SLMAP: variants seen among roughly 807,000 people sequenced by gnomAD.
SLMAP encodes sarcolemmal membrane-associated protein.
A neutral mutation model predicts 128.8 loss-of-function variants in SLMAP; 44 were observed. The ratio of observed to expected loss-of-function variants is 0.34; its 90% CI spans 0.27 to 0.44. The LOEUF is 0.44. SLMAP is among the 20% of genes least tolerant of loss of function. The pLI, the probability that SLMAP is intolerant of heterozygous loss-of-function variation, is 1.00. For missense variants in SLMAP, 787 were observed against 985.3 expected, an observed-to-expected ratio of 0.80 and a Z score of 2.69; for synonymous variants, 327 against 348.8, an observed-to-expected ratio of 0.94 and a Z score of 0.70.
intron 2 of SLMAP, chr3:57,800,840 C>T (rs527466064): frequency 3.2e-4 from 54 of 167,832 alleles, no homozygotes; most frequent in Non-Finnish European, 5.2e-4. Flanking sequence ...ATATTGTAGG[C>T]CTCAAATATA....
At chr3:57,890,313 A>G (rs2096027373) in intron 15 of SLMAP, 6 of 443,508 alleles carry the variant, frequency 1.4e-5, no homozygotes, top group Middle Eastern at 6.0e-4. Flanking sequence ...AAGTGGATGT[A>G]TATTTATGGT....
chr3:57,766,025 G>C (rs533398492), intron 2 of SLMAP, among the ~76,000 whole-genome samples: 11 of 146,332 alleles, frequency 7.5e-5, no homozygotes, highest in Non-Finnish European at 1.0e-4. Flanking sequence ...TTGAGACGGA[G>C]TCTTGCTCTG....
intron 2 of SLMAP, among the ~76,000 whole-genome samples, chr3:57,764,458 C>T (rs967158197): frequency 6.7e-6 from 1 of 148,492 alleles, no homozygotes; most frequent in African/African-American, 2.5e-5. Context: ...GCAGAGATCC[C>T]ATCTTTGCAC....
chr3:57,916,479 T>C (rs2096814885), intron 21 of SLMAP, among the ~76,000 whole-genome samples: 1 of 152,214 alleles, frequency 6.6e-6, no homozygotes, highest in African/African-American at 2.4e-5. Flanking sequence ...GGTTTATCTT[T>C]ACTTGAATTG....
At chr3:57,875,763 T>A (rs1208558271) in intron 14 of SLMAP, among the ~76,000 whole-genome samples, 1 of 152,130 alleles carries the variant, frequency 6.6e-6, no homozygotes, top group East Asian at 1.9e-4. Context: ...GTAACCAGAG[T>A]TGGGAAAGTG....
chr3:57,769,268 C>G (rs1233830493), intron 2 of SLMAP, among the ~76,000 whole-genome samples: 4 of 152,042 alleles, frequency 2.6e-5, no homozygotes, highest in African/African-American at 9.7e-5. Context: ...TCTTGGCTCA[C>G]TGCAAGCTCT....
chr3:57,888,607 C>T (rs2095972701), intron 14 of SLMAP, among the ~76,000 whole-genome samples: 2 of 149,474 alleles, frequency 1.3e-5, no homozygotes, highest in South Asian at 4.2e-4. Context: ...CAGAGTGAGA[C>T]TGTCTCAAAA....
At chr3:57,921,479 T>G (rs549562255) in intron 22 of SLMAP, among the ~76,000 whole-genome samples, 1 of 151,854 alleles carries the variant, frequency 6.6e-6, no homozygotes, top group South Asian at 2.1e-4. Context: ...GTACAAAACA[T>G]ACCAGATGTG....
chr3:57,782,788 T>C (rs1432997920), intron 2 of SLMAP, among the ~76,000 whole-genome samples: 2 of 152,156 alleles, frequency 1.3e-5, no homozygotes, highest in African/African-American at 4.8e-5. Flanking sequence ...TGGATTTTTG[T>C]CATTATCTTA....
chr3:57,892,404 G>T (rs750369917), intron 15 of SLMAP, among the ~76,000 whole-genome samples: 1 of 152,100 alleles, frequency 6.6e-6, no homozygotes, highest in Admixed American at 6.6e-5. Context: ...GTCATTACAT[G>T]TCTATATATA....
At chr3:57,890,155 A>G in intron 15 of SLMAP, 55 bp downstream of exon 15, 1 of 1,550,608 alleles carries the variant, frequency 6.4e-7, no homozygotes, top group South Asian at 1.1e-5. Flanking sequence ...AATGAAGGTT[A>G]GTGTATATTT....
At chr3:57,800,998 T>A in intron 2 of SLMAP, 1 of 277,084 alleles carries the variant, frequency 3.6e-6, no homozygotes, top group South Asian at 4.6e-5. Flanking sequence ...TAGCACAACC[T>A]CCTCTTTGTC....
chr3:57,897,249 A>C (rs1475379318), intron 17 of SLMAP: 1 of 525,462 alleles, frequency 1.9e-6, no homozygotes, highest in Non-Finnish European at 2.9e-6. Context: ...AATTAGAATA[A>C]GGTGAAAATC....
At chr3:57,904,923 T>C (rs2096489065) in intron 17 of SLMAP, among the ~76,000 whole-genome samples, 1 of 152,102 alleles carries the variant, frequency 6.6e-6, no homozygotes, top group Non-Finnish European at 1.5e-5. Flanking sequence ...AAAATTTTGC[T>C]GGGCATGGTG....
intron 2 of SLMAP, among the ~76,000 whole-genome samples, chr3:57,804,939 A>G (rs956987144): frequency 3.3e-4 from 50 of 152,176 alleles, no homozygotes; most frequent in African/African-American, 1.2e-3. Flanking sequence ...GAGATGTCCC[A>G]GTAGGTTCTG....
intron 2 of SLMAP, among the ~76,000 whole-genome samples, chr3:57,826,095 ATTAT>A (rs1243188453): frequency 6.6e-6 from 1 of 152,048 alleles, no homozygotes; most frequent in African/African-American, 2.4e-5. Flanking sequence ...ACTCTAAGGC[ATTAT>A]TTGTTATATT....
rs529270496 is a variant in SLMAP at position 57,890,125 on chromosome 3, T to A, written c.1360+25T>A. 36 of 1,610,534 alleles carry A rather than the reference T, an allele frequency of 2.2e-5. No homozygotes were observed. In the South Asian group the frequency reaches 4.0e-4, roughly 18 times the overall value. On this transcript the variant is annotated intron_variant, in intron 15 of 24. Transcript: ENST00000671191. The stretch of plus-strand genomic sequence containing the variant: ...GGTTTGTTTTCTGTTTTTCTATGTT[T>A]TTTGACAGTTCTTTTGGATAATGAA...
In SLMAP at chr3:57,780,565, CA is replaced by C. The variant is rs564557205; in HGVS notation, c.198+22718del. ...TATATCTTGATCTGGGTGGTAGTTA[CA>C]AGGGTGTGTTCATCTGGTGGTGATT... is the stretch of plus-strand genomic sequence containing the variant. On this transcript the variant is annotated intron_variant, in intron 2 of 24. Transcript: ENST00000671191. 1.1e-4 allele frequency among the ~76,000 whole-genome samples: 17 copies of C among 152,120 alleles called. No individual in the cohort carries two copies. In the East Asian group the frequency reaches 3.3e-3, roughly 29 times the overall value.
At chr3:57,914,466 A>C (rs1208834370) in intron 21 of SLMAP, among the ~76,000 whole-genome samples, 4 of 152,204 alleles carry the variant, frequency 2.6e-5, no homozygotes, top group Non-Finnish European at 5.9e-5. Flanking sequence ...TTGTAAAAGC[A>C]ATTCCAAAAT....
Sources: allele counts gnomAD v4.1 joint callset (sites outside exome capture counted in the v4.1 genomes callset), GRCh38; gene constraint gnomAD v4.1.1; transcripts MANE v1.5; gene names NCBI Gene and HGNC (gene_info 2026-07-23, HGNC 2026-07-21).